SEMA3A: variants seen among roughly 807,000 people sequenced by gnomAD.
The protein encoded by SEMA3A is semaphorin 3A, also known as semaphorin-3A.
A neutral mutation model predicts 97.9 loss-of-function variants in SEMA3A; 29 were observed. The ratio of observed to expected loss-of-function variants is 0.30; its 90% CI spans 0.22 to 0.40. SEMA3A has a LOEUF of 0.40. Ranked by LOEUF, SEMA3A falls within the 10% of genes least tolerant of loss-of-function variation. SEMA3A has a pLI of 1.00. For synonymous variants in SEMA3A, 321 were observed against 323.7 expected, an observed-to-expected ratio of 0.99 and a Z score of 0.09; for missense variants, 763 against 951.3, an observed-to-expected ratio of 0.80 and a Z score of 2.60.
intron 3 of SEMA3A, among the ~76,000 whole-genome samples, chr7:84,202,932 T>G (rs1438539594): frequency 6.6e-6 from 1 of 152,206 alleles, no homozygotes; most frequent in African/African-American, 2.4e-5. Context: ...ACATCTATAC[T>G]GTTATACTCA....
chr7:83,961,122 C>T lies in SEMA3A; in HGVS notation c.*249G>A. The T allele has an allele frequency of 2.0e-6, 1 of 500,256 alleles. No individual in the cohort carries two copies. The highest frequency in any genetic ancestry group is 3.7e-5 in the East Asian group (1 of 26,830). 31.0% of individuals were successfully genotyped at this position (500,256 alleles called of 1,614,324 possible). A position where few individuals can be genotyped will look rare whatever the true frequency, so the allele number is the denominator to read the frequency against. On this transcript the variant is annotated 3_prime_UTR_variant, in exon 17 of 17. Transcript: ENST00000265362. Reference sequence around the variant, plus strand: ...CTGTACAGTGAAATCTCATAGGAAACATTAAGTCTGCTAAAGTGAACATCT... The same window carrying T: ...CTGTACAGTGAAATCTCATAGGAAATATTAAGTCTGCTAAAGTGAACATCT...
At chr7:84,360,139 T>C (rs1041082968) in intron 2 of SEMA3A, among the ~76,000 whole-genome samples, 7 of 152,110 alleles carry the variant, frequency 4.6e-5, no homozygotes, top group Admixed American at 3.9e-4. Flanking sequence ...TCTATCTCCT[T>C]CAGCTCTGCT....
intron 3 of SEMA3A, among the ~76,000 whole-genome samples, chr7:84,278,727 C>T (rs1800370313): frequency 6.6e-6 from 1 of 152,020 alleles, no homozygotes; most frequent in Admixed American, 6.6e-5. Flanking sequence ...TTTAAACAAT[C>T]AGATCTTATG....
At chr7:84,485,238 G>A (rs1244351197) in intron 1 of SEMA3A, among the ~76,000 whole-genome samples, 1 of 152,074 alleles carries the variant, frequency 6.6e-6, no homozygotes, top group African/African-American at 2.4e-5. Flanking sequence ...CATGTACAAA[G>A]TAGATATTTG....
At chr7:84,168,989 TA>T in intron 1 of SEMA3A, among the ~76,000 whole-genome samples, 1 of 151,860 alleles carries the variant, frequency 6.6e-6, no homozygotes, top group African/African-American at 2.4e-5. Flanking sequence ...CTGACATGCT[TA>T]AAAAATGTTG....
At chr7:84,395,773 A>G (rs1442956538) in intron 1 of SEMA3A, among the ~76,000 whole-genome samples, 1 of 152,084 alleles carries the variant, frequency 6.6e-6, no homozygotes, top group Non-Finnish European at 1.5e-5. Context: ...CATGATTGTA[A>G]GTTTCCTGAG....
intron 12 of SEMA3A, among the ~76,000 whole-genome samples, chr7:83,989,656 T>G (rs797814): frequency 0.31 from 38,121 of 121,750 alleles, 6,526 homozygotes; most frequent in East Asian, 0.8. Context: ...CTCATCATTT[T>G]TTATGGCTGC....
intron 16 of SEMA3A, among the ~76,000 whole-genome samples, chr7:83,962,634 A>C (rs1046233450): frequency 6.6e-6 from 1 of 152,150 alleles, no homozygotes; most frequent in African/African-American, 2.4e-5. Context: ...GTGCTCACTA[A>C]GATTTTCTGT....
chr7:84,130,536 T>C (rs993130594), intron 2 of SEMA3A, among the ~76,000 whole-genome samples: 1 of 152,108 alleles, frequency 6.6e-6, no homozygotes, highest in African/African-American at 2.4e-5. Context: ...ATTAAAATTA[T>C]AGTTGAGTTG....
At chr7:84,334,242 T>A (rs1238623733) in intron 2 of SEMA3A, among the ~76,000 whole-genome samples, 1 of 152,026 alleles carries the variant, frequency 6.6e-6, no homozygotes, top group Non-Finnish European at 1.5e-5. Flanking sequence ...CAAATTTTGT[T>A]TTCATAAATA....
At position 84,415,711 on chromosome 7, in the gene SEMA3A, T is replaced by A. The variant is rs1040742351; in HGVS notation, c.-245-43811A>T. 2.6e-5 allele frequency among the ~76,000 whole-genome samples: 4 copies of A among 152,202 alleles called. No homozygotes were observed. In the South Asian group the frequency reaches 6.2e-4, roughly 24 times the overall value. On this transcript the variant is annotated intron_variant, in intron 1 of 3. Transcript: ENST00000424555. ...GACATCAATAATGAAATATGTAGCATGTTTTGGCATTTTTTCTTATATATA... is the reference window on the plus strand; with the variant it reads ...GACATCAATAATGAAATATGTAGCAAGTTTTGGCATTTTTTCTTATATATA...
intron 1 of SEMA3A, among the ~76,000 whole-genome samples, chr7:84,440,334 A>G (rs1052054871): frequency 5.9e-5 from 9 of 152,194 alleles, no homozygotes; most frequent in African/African-American, 2.2e-4. Context: ...CATATCAAGC[A>G]GCTGTCCACA....
At chr7:84,126,725 T>C (rs1422835971) in intron 3 of SEMA3A, among the ~76,000 whole-genome samples, 1 of 152,186 alleles carries the variant, frequency 6.6e-6, no homozygotes, top group Non-Finnish European at 1.5e-5. Context: ...TCAATTATAC[T>C]TTTAGCCTTG....
chr7:84,278,065 G>C (rs949745207), intron 3 of SEMA3A, among the ~76,000 whole-genome samples: 8 of 152,020 alleles, frequency 5.3e-5, no homozygotes, highest in African/African-American at 2.4e-5. Flanking sequence ...TATGAGTATT[G>C]GTTGTTAGGA....
chr7:84,212,372 C>A (rs1276598681), intron 3 of SEMA3A, among the ~76,000 whole-genome samples: 1 of 152,174 alleles, frequency 6.6e-6, no homozygotes, highest in East Asian at 1.9e-4. Flanking sequence ...AATTAATTCT[C>A]TTTTCTTTTA....
At chr7:84,448,956 C>A (rs1275531358) in intron 1 of SEMA3A, among the ~76,000 whole-genome samples, 2 of 151,982 alleles carry the variant, frequency 1.3e-5, no homozygotes, top group African/African-American at 4.8e-5. Context: ...TATATATAAA[C>A]AAATAGAATA....
exon 1 of SEMA3A, chr7:84,492,686 T>G (rs1806765058): frequency 6.6e-6 from 1 of 151,928 alleles, no homozygotes. Flanking sequence ...GGCTCTACCA[T>G]TTCACCTACA....
At chr7:83,968,566 C>T (rs1337910716) in intron 15 of SEMA3A, among the ~76,000 whole-genome samples, 2 of 152,078 alleles carry the variant, frequency 1.3e-5, no homozygotes, top group African/African-American at 4.8e-5. Context: ...AGCAGTTAGA[C>T]AAATGTATGT....
chr7:84,049,707 T>C (rs1327308134), intron 5 of SEMA3A, among the ~76,000 whole-genome samples: 1 of 152,066 alleles, frequency 6.6e-6, no homozygotes, highest in Non-Finnish European at 1.5e-5. Context: ...TTCTTTTTTT[T>C]TTCATTTTTT....
Sources: gnomAD v4.1 joint callset for allele counts (sites outside exome capture counted in the v4.1 genomes callset) on GRCh38, gnomAD v4.1.1 for gene constraint, MANE v1.5 for transcripts, NCBI Gene and HGNC (gene_info 2026-07-23, HGNC 2026-07-21) for gene names.